PEAK1: variants seen among roughly 807,000 people sequenced by gnomAD.
PEAK1 encodes inactive tyrosine-protein kinase PEAK1.
In PEAK1, 54 loss-of-function variants were observed where a neutral mutation model predicts 124.7. The observed-to-expected ratio is 0.43, with a 90% CI of 0.35 to 0.54. PEAK1 has a LOEUF of 0.54. Among genes scored for constraint, PEAK1 ranks in the 20% least tolerant of loss-of-function variants. The pLI is 0.01. For synonymous variants in PEAK1, 719 were observed against 760.0 expected (o/e 0.95, Z 0.89); for missense variants, 2,046 against 2,134.5 (o/e 0.96, Z 0.82).
chr15:77,294,542 T>C (rs1017246695), intron 2 of PEAK1, among the ~76,000 whole-genome samples: 1 of 152,184 alleles, frequency 6.6e-6, no homozygotes, highest in Non-Finnish European at 1.5e-5. Flanking sequence ...TGCTTATTTA[T>C]TTCTCAGGGT....
intron 7 of PEAK1, among the ~76,000 whole-genome samples, chr15:77,161,240 T>C (rs1308871568): frequency 6.6e-6 from 1 of 152,186 alleles, no homozygotes; most frequent in African/African-American, 2.4e-5. Context: ...GAGCTACAAG[T>C]TAGGCAAACC....
At chr15:77,295,749 T>C (rs1480787600) in intron 2 of PEAK1, among the ~76,000 whole-genome samples, 3 of 152,184 alleles carry the variant, frequency 2.0e-5, no homozygotes, top group African/African-American at 2.4e-5. Context: ...AAGTAAAACA[T>C]GTCCAAACAG....
At chr15:77,119,155 CGTGTGA>C (rs1566990110) in intron 9 of PEAK1, among the ~76,000 whole-genome samples, 25 of 137,902 alleles carry the variant, frequency 1.8e-4, no homozygotes, top group African/African-American at 5.6e-4. Flanking sequence ...GGGAACTCCT[CGTGTGA>C]AGAGCACAGA....
chr15:77,267,165 G>A (rs879764637), intron 5 of PEAK1, among the ~76,000 whole-genome samples: 1 of 152,056 alleles, frequency 6.6e-6, no homozygotes, highest in African/African-American at 2.4e-5. Context: ...TCCTGGGAAC[G>A]TAATTGCATT....
At chr15:77,280,925 G>A (rs1350502554) in intron 5 of PEAK1, among the ~76,000 whole-genome samples, 9 of 152,090 alleles carry the variant, frequency 5.9e-5, no homozygotes, top group Admixed American at 3.9e-4. Flanking sequence ...TTGGGAGGCC[G>A]AGGTAGGTGG....
intron 6 of PEAK1, among the ~76,000 whole-genome samples, chr15:77,247,863 G>A (rs1251703677): frequency 6.6e-6 from 1 of 151,804 alleles, no homozygotes; most frequent in African/African-American, 2.4e-5. Flanking sequence ...ACATATTGCT[G>A]GTTTTGATTT....
intron 6 of PEAK1, among the ~76,000 whole-genome samples, chr15:77,205,896 T>C (rs2058620844): frequency 6.7e-6 from 1 of 150,106 alleles, no homozygotes; most frequent in South Asian, 2.2e-4. Context: ...TACATATGTA[T>C]ACATGTGCCA....
rs866749911 is a variant in PEAK1 at position 77,205,915 on chromosome 15, C to T, written c.-114-23875G>A. Among the ~76,000 whole-genome samples the T allele has an allele frequency of 7.6e-3, 1,111 of 146,410 alleles. 14 individuals are homozygous for T. Among genetic ancestry groups the T allele is most frequent in the African/African-American group, 0.027 (1,051 of 39,574 alleles). On this transcript the variant is annotated intron_variant, in intron 6 of 9. Coordinates refer to ENST00000682557, the MANE Select transcript of PEAK1 (RefSeq NM_001385026.1). Reference sequence around the variant, plus strand: ...TATGTATACATGTGCCATGCTGGTGCGCTGCACCCACTAACTCGTCATCTA... The same window carrying T: ...TATGTATACATGTGCCATGCTGGTGTGCTGCACCCACTAACTCGTCATCTA...
chr15:77,394,543 G>A (rs1567347397), intron 1 of PEAK1, among the ~76,000 whole-genome samples: 5 of 152,204 alleles, frequency 3.3e-5, no homozygotes, highest in African/African-American at 7.2e-5. Context: ...GCACCTCTAT[G>A]GGTCTGCAAA....
intron 1 of PEAK1, among the ~76,000 whole-genome samples, chr15:77,376,224 G>A (rs1405193971): frequency 2.0e-5 from 3 of 151,814 alleles, no homozygotes; most frequent in African/African-American, 4.8e-5. Flanking sequence ...ACCTAACAAA[G>A]GCACACAACA....
At chr15:77,189,557 A>G (rs572550602) in intron 6 of PEAK1, among the ~76,000 whole-genome samples, 22 of 152,364 alleles carry the variant, frequency 1.4e-4, no homozygotes, top group African/African-American at 5.0e-4. Context: ...TGATCAGTCC[A>G]GGTGCTCACT....
chr15:77,315,486 A>C (rs906804352), intron 2 of PEAK1, among the ~76,000 whole-genome samples: 1 of 152,194 alleles, frequency 6.6e-6, no homozygotes, highest in Non-Finnish European at 1.5e-5. Flanking sequence ...GGAATATTTA[A>C]GTATTTGCAT....
chr15:77,349,794 ATT>A, intron 2 of PEAK1: 1 of 985,220 alleles, frequency 1.0e-6, no homozygotes, highest in Non-Finnish European at 1.2e-6. Context: ...CAAATACTGC[ATT>A]GTTTTGCAGC....
chr15:77,126,474 T>G (rs2052381835), intron 9 of PEAK1, among the ~76,000 whole-genome samples: 3 of 152,174 alleles, frequency 2.0e-5, no homozygotes. Flanking sequence ...AATACCTAAG[T>G]GCAGAACCTA....
chr15:77,181,490 T>C lies in PEAK1; in HGVS notation c.437A>G (p.Asn146Ser). The change falls in exon 7 of 10, where the codon AAT becomes AGT. Residue 146 changes from asparagine to serine, a missense_variant. Transcript: ENST00000682557. ...NDSAKKMSDN[N>S]NGLTEVLKEI... ...CTTTAACACTTCAGTTAGTCCATTA[T>C]TGTTATCTGACATCTTCTTTGCACT... 3.7e-6 allele frequency: 6 copies of C among 1,614,156 alleles called. No individual in the cohort carries two copies. Among genetic ancestry groups the C allele is most frequent in the Middle Eastern group, 1.6e-4 (1 of 6,062 alleles).
intron 2 of PEAK1, among the ~76,000 whole-genome samples, chr15:77,315,486 A>G (rs906804352): frequency 2.2e-4 from 33 of 152,310 alleles, no homozygotes; most frequent in African/African-American, 7.7e-4. Flanking sequence ...GGAATATTTA[A>G]GTATTTGCAT....
intron 5 of PEAK1, 72 bp from the exon 6 acceptor site, chr15:77,252,598 G>C (rs1245394818): frequency 1.5e-5 from 12 of 813,628 alleles, no homozygotes; most frequent in Non-Finnish European, 1.8e-5. Flanking sequence ...TCTTTTCTTA[G>C]ATATTCCTAA....
rs182481631 is a variant in PEAK1 at position 77,300,718 on chromosome 15, A to G, written c.-602-14214T>C. ...CTATCTAGGGCATCACATTACATTTATTCTCCTTAGGCTAGTCTTGGTTGT... is the reference window on the plus strand; with the variant it reads ...CTATCTAGGGCATCACATTACATTTGTTCTCCTTAGGCTAGTCTTGGTTGT... On this transcript the variant is annotated intron_variant, in intron 2 of 9. Coordinates refer to ENST00000682557, the MANE Select transcript of PEAK1 (RefSeq NM_001385026.1). Among the ~76,000 whole-genome samples, 3 of 152,112 alleles carry G rather than the reference A, an allele frequency of 2.0e-5. No homozygotes were observed. The East Asian group carries it at 5.8e-4, about 29-fold the overall frequency.
intron 1 of PEAK1, among the ~76,000 whole-genome samples, chr15:77,411,193 CCAACCCTGCTTGATTTA>C (rs766755019): frequency 5.9e-4 from 89 of 150,894 alleles, no homozygotes; most frequent in Non-Finnish European, 1.1e-3. Context: ...GATGGTAAGG[CCAACCCTGCTTGATTTA>C]CAACCCTGCT....
Sources: allele counts gnomAD v4.1 joint callset (sites outside exome capture counted in the v4.1 genomes callset), GRCh38; gene constraint gnomAD v4.1.1; transcripts MANE v1.5; gene names NCBI Gene and HGNC (gene_info 2026-07-23, HGNC 2026-07-21).